The following LOC128706666 variants were observed in gnomAD, a reference collection of about 807,000 sequenced individuals.
the LOC128706666 span, among the ~76,000 whole-genome samples, chr20:10,421,403 T>A: frequency 7.5e-6 from 1 of 133,798 alleles, no homozygotes; most frequent in Non-Finnish European, 1.5e-5. Flanking sequence ...GGCAACAGAA[T>A]GAGACTCCAT....
At chr20:10,423,778 T>C in the LOC128706666 span, among the ~76,000 whole-genome samples, 3 of 152,248 alleles carry the variant, frequency 2.0e-5, no homozygotes, top group South Asian at 2.1e-4. Context: ...GATGAATCTT[T>C]TTCTAGATTT....
chr20:10,419,703 G>T, the LOC128706666 span, among the ~76,000 whole-genome samples: 1 of 152,190 alleles, frequency 6.6e-6, no homozygotes, highest in Non-Finnish European at 1.5e-5. Context: ...CACCACAGTT[G>T]ATCTAACCCA....
the LOC128706666 span, among the ~76,000 whole-genome samples, chr20:10,426,084 C>T: frequency 2.6e-5 from 4 of 152,164 alleles, no homozygotes; most frequent in Non-Finnish European, 4.4e-5. Context: ...TTAAATTATT[C>T]AAAAGTTTCA....
the LOC128706666 span, among the ~76,000 whole-genome samples, chr20:10,427,035 C>CACACAG: frequency 8.2e-3 from 466 of 56,494 alleles, 6 homozygotes; most frequent in Middle Eastern, 0.027. Context: ...CACTGACACA[C>CACACAG]ACACACACAC....
the LOC128706666 span, among the ~76,000 whole-genome samples, chr20:10,427,081 A>AC: frequency 1.2e-5 from 1 of 85,794 alleles, no homozygotes; most frequent in East Asian, 3.5e-4. Flanking sequence ...CACACACACA[A>AC]AGTAAGGTTA....
chr20:10,423,236 G>A, the LOC128706666 span, among the ~76,000 whole-genome samples: 1 of 152,004 alleles, frequency 6.6e-6, no homozygotes, highest in African/African-American at 2.4e-5. Flanking sequence ...CCTAGGCAAC[G>A]TGGCAAAACC....
chr20:10,417,306 T>C, the LOC128706666 span, among the ~76,000 whole-genome samples: 1 of 151,680 alleles, frequency 6.6e-6, no homozygotes, highest in Non-Finnish European at 1.5e-5. Context: ...ACTGCTAACT[T>C]GCCTGTTAAT....
At chr20:10,431,125 C>A in the LOC128706666 span, among the ~76,000 whole-genome samples, 4 of 152,064 alleles carry the variant, frequency 2.6e-5, no homozygotes, top group Non-Finnish European at 5.9e-5. Context: ...GCAGCCATTA[C>A]TTTTATTGGG....
chr20:10,428,811 T>A, the LOC128706666 span, among the ~76,000 whole-genome samples: 1 of 151,522 alleles, frequency 6.6e-6, no homozygotes, highest in Non-Finnish European at 1.5e-5. Context: ...GCCATTGCAC[T>A]CCAGCCTAGG....
the LOC128706666 span, among the ~76,000 whole-genome samples, chr20:10,427,081 A>ACACACACACACAC: frequency 1.2e-5 from 1 of 85,700 alleles, no homozygotes; most frequent in African/African-American, 5.0e-5. Flanking sequence ...CACACACACA[A>ACACACACACACAC]AGTAAGGTTA....
the LOC128706666 span, chr20:10,420,703 A>G: frequency 6.6e-6 from 1 of 152,134 alleles, no homozygotes; most frequent in Non-Finnish European, 1.5e-5. Context: ...AACAACCAAA[A>G]CTTTGTAGTC....
At chr20:10,422,856 T>C in the LOC128706666 span, among the ~76,000 whole-genome samples, 1 of 151,598 alleles carries the variant, frequency 6.6e-6, no homozygotes, top group Admixed American at 6.6e-5. Flanking sequence ...GGACTACAGG[T>C]GCCCGCCACC....
chr20:10,433,193 A>G, the LOC128706666 span, among the ~76,000 whole-genome samples: 2 of 152,168 alleles, frequency 1.3e-5, no homozygotes, highest in Non-Finnish European at 2.9e-5. Flanking sequence ...TTTAGCAGAG[A>G]CCGGGTTTCG....
chr20:10,419,661 T>C, the LOC128706666 span, among the ~76,000 whole-genome samples: 5 of 152,278 alleles, frequency 3.3e-5, no homozygotes, highest in South Asian at 1.0e-3. Context: ...TGAAGTAAAG[T>C]AACAGTTACC....
chr20:10,427,051 C>CACACAG, the LOC128706666 span, among the ~76,000 whole-genome samples: 1 of 138,806 alleles, frequency 7.2e-6, no homozygotes, highest in Admixed American at 7.0e-5. Context: ...CACACACACA[C>CACACAG]ACACACACAC....
the LOC128706666 span, among the ~76,000 whole-genome samples, chr20:10,422,737 A>C: frequency 6.7e-6 from 1 of 148,868 alleles, no homozygotes; most frequent in Non-Finnish European, 1.5e-5. Flanking sequence ...TGTGAGACAG[A>C]GTCTTGCTCT....
the LOC128706666 span, chr20:10,413,976 C>A: frequency 6.5e-5 from 26 of 401,820 alleles, no homozygotes; most frequent in Non-Finnish European, 1.1e-4. Flanking sequence ...ACTTCCCAAG[C>A]AGTTTGTAGA....
At chr20:10,426,129 T>C in the LOC128706666 span, among the ~76,000 whole-genome samples, 350 of 152,364 alleles carry the variant, frequency 2.3e-3, 1 homozygote, top group African/African-American at 7.8e-3. Flanking sequence ...ATAGCAACTT[T>C]ATGAGATCAT....
At chr20:10,432,157 G>GT in the LOC128706666 span, among the ~76,000 whole-genome samples, 3 of 152,170 alleles carry the variant, frequency 2.0e-5, no homozygotes, top group Non-Finnish European at 4.4e-5. Context: ...TCAATCAAGG[G>GT]GTATAAAAGC....
Sources: gnomAD v4.1 joint callset for allele counts (sites outside exome capture counted in the v4.1 genomes callset) on GRCh38, gnomAD v4.1.1 for gene constraint, MANE v1.5 for transcripts.